The following RBFOX1 variants were observed in gnomAD, a reference collection of about 807,000 sequenced individuals.
The protein encoded by RBFOX1 is RNA binding fox-1 homolog 1, also known as RNA binding protein fox-1 homolog 1.
A neutral mutation model predicts 57.7 loss-of-function variants in RBFOX1; 8 were observed. The ratio of observed to expected loss-of-function variants is 0.14; its 90% confidence interval spans 0.08 to 0.25. RBFOX1 has a LOEUF of 0.25. Among genes scored for constraint, RBFOX1 ranks in the 10% least tolerant of loss-of-function variants. RBFOX1 has a pLI of 1.00. For missense variants in RBFOX1, 611 were observed against 548.5 expected (o/e 1.11, Z -1.14); for synonymous variants, 326 against 222.4 (o/e 1.47, Z -4.15).
At chr16:7,190,689 C>T (rs1422666087) in intron 4 of RBFOX1, among the ~76,000 whole-genome samples, 1 of 151,336 alleles carries the variant, frequency 6.6e-6, no homozygotes, top group Non-Finnish European at 1.5e-5. Flanking sequence ...GAAATCAGTG[C>T]CATTCCATCA....
intron 3 of RBFOX1, among the ~76,000 whole-genome samples, chr16:6,699,588 A>G (rs1378422502): frequency 1.3e-5 from 2 of 152,192 alleles, no homozygotes; most frequent in African/African-American, 4.8e-5. Flanking sequence ...TAACAGACAA[A>G]TGGGCTCTTT....
At chr16:5,606,011 C>T (rs1485044524) in intron 3 of RBFOX1, among the ~76,000 whole-genome samples, 2 of 152,130 alleles carry the variant, frequency 1.3e-5, no homozygotes, top group African/African-American at 4.8e-5. Flanking sequence ...CCCTGGCATC[C>T]TTGGCATTTT....
At chr16:7,244,247 C>CAAAAAA (rs60054791) in intron 4 of RBFOX1, among the ~76,000 whole-genome samples, 12 of 99,222 alleles carry the variant, frequency 1.2e-4, no homozygotes, top group African/African-American at 4.1e-4. Flanking sequence ...CAAAGTATTC[C>CAAAAAA]AAAAAAAAAA....
chr16:6,279,263 C>T (rs1285467330), intron 1 of RBFOX1, among the ~76,000 whole-genome samples: 2 of 152,080 alleles, frequency 1.3e-5, no homozygotes, highest in African/African-American at 4.8e-5. Context: ...GTATCTGGCA[C>T]CTAGCTAAGG....
At chr16:7,217,249 G>T (rs975935318) in intron 4 of RBFOX1, among the ~76,000 whole-genome samples, 1 of 148,410 alleles carries the variant, frequency 6.7e-6, no homozygotes, top group Non-Finnish European at 1.5e-5. Flanking sequence ...CTACAGGTGC[G>T]TTCCACCACA....
intron 2 of RBFOX1, among the ~76,000 whole-genome samples, chr16:6,549,792 G>T (rs1477717869): frequency 6.6e-6 from 1 of 152,010 alleles, no homozygotes; most frequent in African/African-American, 2.4e-5. Flanking sequence ...GTAGAATGGG[G>T]CAAGGGTGGT....
chr16:7,066,875 A>G (rs2056183020), intron 4 of RBFOX1, among the ~76,000 whole-genome samples: 1 of 152,166 alleles, frequency 6.6e-6, no homozygotes, highest in Non-Finnish European at 1.5e-5. Context: ...ATTTCTAGCC[A>G]TTTACTTATT....
chr16:6,899,568 C>G (rs1240171337), intron 3 of RBFOX1, among the ~76,000 whole-genome samples: 1 of 152,204 alleles, frequency 6.6e-6, no homozygotes, highest in Non-Finnish European at 1.5e-5. Flanking sequence ...CTCCATCTCT[C>G]ACCATCTGTG....
chr16:6,664,607 T>C lies in RBFOX1; in HGVS notation c.-16+9957T>C, dbSNP rs565459417. Among the ~76,000 whole-genome samples, 233 of 152,208 alleles carry C rather than the reference T, an allele frequency of 1.5e-3. 1 individual carries two copies. Among genetic ancestry groups the C allele is most frequent in the Non-Finnish European group, 2.8e-3 (191 of 68,012 alleles). ...AGCTGCGCATGTAGCCCACCACCAG[T>C]GAGATTCGACATCATTTTTACTGAG... is the stretch of plus-strand genomic sequence containing the variant. On this transcript the variant is annotated intron_variant, in intron 3 of 15. Transcript: ENST00000550418.
chr16:5,449,323 C>T (rs1209616442), intron 1 of RBFOX1, among the ~76,000 whole-genome samples: 1 of 152,238 alleles, frequency 6.6e-6, no homozygotes, highest in African/African-American at 2.4e-5. Context: ...AAGTCTCCGC[C>T]ACGGCTGCCC....
intron 3 of RBFOX1, among the ~76,000 whole-genome samples, chr16:6,920,536 AG>A (rs1301676936): frequency 6.6e-6 from 1 of 152,238 alleles, no homozygotes; most frequent in East Asian, 1.9e-4. Context: ...ACAAATGACC[AG>A]CTAGTGGCAG....
At chr16:5,593,769 C>T (rs188788393) in intron 2 of RBFOX1, among the ~76,000 whole-genome samples, 2 of 152,280 alleles carry the variant, frequency 1.3e-5, no homozygotes, top group Admixed American at 6.5e-5. Flanking sequence ...ATGGAGTGGC[C>T]ATTCTTTTAT....
At chr16:5,826,906 A>G (rs927417628) in intron 3 of RBFOX1, among the ~76,000 whole-genome samples, 5 of 152,192 alleles carry the variant, frequency 3.3e-5, no homozygotes, top group South Asian at 2.1e-4. Flanking sequence ...TCCTTGACCA[A>G]TAGTGTTGGA....
chr16:6,493,840 G>A (rs555017314), intron 2 of RBFOX1, among the ~76,000 whole-genome samples: 14 of 152,106 alleles, frequency 9.2e-5, no homozygotes, highest in African/African-American at 2.2e-4. Context: ...CTGAATATAC[G>A]AAAGCTAGAA....
At chr16:7,498,198 C>T (rs934873949) in intron 4 of RBFOX1, among the ~76,000 whole-genome samples, 1 of 152,108 alleles carries the variant, frequency 6.6e-6, no homozygotes, top group Non-Finnish European at 1.5e-5. Flanking sequence ...CTTCCCTGTT[C>T]TGGATATATC....
intron 1 of RBFOX1, among the ~76,000 whole-genome samples, chr16:6,101,060 G>C (rs938179091): frequency 2.0e-5 from 3 of 152,148 alleles, no homozygotes; most frequent in Non-Finnish European, 2.9e-5. Context: ...CCACTAGCTA[G>C]CAGTTTGACC....
chr16:6,635,642 A>G (rs1392214511), intron 2 of RBFOX1, among the ~76,000 whole-genome samples: 2 of 152,206 alleles, frequency 1.3e-5, no homozygotes, highest in Admixed American at 1.3e-4. Flanking sequence ...GGAAGGTGGC[A>G]TAGGCACAGA....
At chr16:6,438,614 C>T (rs1431375607) in intron 2 of RBFOX1, among the ~76,000 whole-genome samples, 1 of 152,140 alleles carries the variant, frequency 6.6e-6, no homozygotes, top group Admixed American at 6.5e-5. Flanking sequence ...ACAGTTCTTC[C>T]TCTAGCTATA....
chr16:7,035,588 G>C (rs923153756), intron 3 of RBFOX1, among the ~76,000 whole-genome samples: 1 of 151,926 alleles, frequency 6.6e-6, no homozygotes, highest in Admixed American at 6.6e-5. Context: ...AAAGCTCTGC[G>C]TTGTTGGTTT....
Sources: gnomAD v4.1 joint callset for allele counts (sites outside exome capture counted in the v4.1 genomes callset) on GRCh38, gnomAD v4.1.1 for gene constraint, MANE v1.5 for transcripts, NCBI Gene and HGNC (gene_info 2026-07-23, HGNC 2026-07-21) for gene names.